KCNMA1: variants seen among roughly 807,000 people sequenced by gnomAD.
KCNMA1 encodes Calcium-activated potassium channel subunit alpha-1.
In KCNMA1, 29 loss-of-function variants were observed where a neutral mutation model predicts 140.0. The ratio of observed to expected loss-of-function variants is 0.21; its 90% CI spans 0.15 to 0.28. KCNMA1 has a LOEUF of 0.28. Among genes scored for constraint, KCNMA1 ranks in the 10% least tolerant of loss-of-function variants. KCNMA1 has a pLI of 1.00. For synonymous variants in KCNMA1, 612 were observed against 611.9 expected (o/e 1.00, Z 0.00); for missense variants, 880 against 1,602.2 (o/e 0.55, Z 7.70).
At chr10:77,357,498 T>C (rs552116949) in intron 2 of KCNMA1, among the ~76,000 whole-genome samples, 4 of 152,230 alleles carry the variant, frequency 2.6e-5, no homozygotes, top group Non-Finnish European at 5.9e-5. Flanking sequence ...GTCTTGTATA[T>C]TCCATTCAGC....
At chr10:77,617,082 G>A (rs982314269) in intron 1 of KCNMA1, among the ~76,000 whole-genome samples, 9 of 152,316 alleles carry the variant, frequency 5.9e-5, no homozygotes, top group South Asian at 2.1e-4. Context: ...AAAGGCAACC[G>A]TATTACTTAT....
intron 5 of KCNMA1, among the ~76,000 whole-genome samples, chr10:77,148,129 A>C (rs2098344518): frequency 6.6e-6 from 1 of 152,136 alleles, no homozygotes; most frequent in South Asian, 2.1e-4. Context: ...ACCTGCCATG[A>C]GTTTACTACT....
intron 23 of KCNMA1, among the ~76,000 whole-genome samples, chr10:76,941,057 A>AAGAAAGAAAGAGAG (rs2061993674): frequency 1.1e-5 from 1 of 89,214 alleles, no homozygotes; most frequent in South Asian, 3.1e-4. Context: ...AAGAAAGAGA[A>AAGAAAGAAAGAGAG]AGAAAGAAAG....
At chr10:77,406,001 G>A (rs554451802) in intron 1 of KCNMA1, among the ~76,000 whole-genome samples, 37 of 152,266 alleles carry the variant, frequency 2.4e-4, no homozygotes, top group Admixed American at 1.6e-3. Flanking sequence ...TGCAGCCCTG[G>A]ACGCTAATAT....
At chr10:77,298,837 G>A (rs1005151880) in intron 2 of KCNMA1, among the ~76,000 whole-genome samples, 11 of 152,218 alleles carry the variant, frequency 7.2e-5, no homozygotes, top group Non-Finnish European at 1.5e-4. Flanking sequence ...CCCATTGTGT[G>A]CAGGGCAGGC....
intron 23 of KCNMA1, among the ~76,000 whole-genome samples, chr10:76,920,020 G>GTATATA (rs1169838049): frequency 0.027 from 929 of 34,338 alleles, 70 homozygotes; most frequent in East Asian, 0.069. Context: ...GTGTGTGTGT[G>GTATATA]TATATATATA....
At chr10:77,181,707 A>G (rs546024061) in intron 5 of KCNMA1, among the ~76,000 whole-genome samples, 5 of 152,310 alleles carry the variant, frequency 3.3e-5, no homozygotes, top group Non-Finnish European at 4.4e-5. Context: ...GTGTGACTCT[A>G]CTAGCCTCAT....
chr10:77,048,352 A>G (rs1303952051), intron 14 of KCNMA1, among the ~76,000 whole-genome samples: 1 of 152,194 alleles, frequency 6.6e-6, no homozygotes, highest in African/African-American at 2.4e-5. Context: ...GTGCTGGTCC[A>G]CAACATGGCA....
Position 77,500,554 on chromosome 10 carries a change from A to C in KCNMA1, c.379-96531T>G, listed in dbSNP as rs550911410. ...AATGGTATCCAAGCAAGTGAAATTC[A>C]AGGCAAAAGACATTAAATAAGGCAA... is the stretch of plus-strand genomic sequence containing the variant. On this transcript the variant is annotated intron_variant, in intron 1 of 27. Coordinates refer to ENST00000286628, the MANE Select transcript of KCNMA1 (RefSeq NM_001161352.2). Among the ~76,000 whole-genome samples, 3 of 152,316 alleles carry C rather than the reference A, an allele frequency of 2.0e-5. No homozygotes were observed. The South Asian group carries it at 6.2e-4, about 32-fold the overall frequency.
downstream of KCNMA1, chr10:76,875,048 T>C (rs999090485): frequency 6.6e-6 from 1 of 152,220 alleles, no homozygotes; most frequent in Non-Finnish European, 1.5e-5. Context: ...ACTGTTGCAG[T>C]GGAGATGGAT....
intron 9 of KCNMA1, among the ~76,000 whole-genome samples, chr10:77,104,753 T>C (rs1440258604): frequency 6.6e-6 from 1 of 152,148 alleles, no homozygotes; most frequent in East Asian, 1.9e-4. Flanking sequence ...TCTTGTCAGT[T>C]CTCATAAACT....
intron 14 of KCNMA1, among the ~76,000 whole-genome samples, chr10:77,059,500 C>T (rs1230604035): frequency 2.0e-5 from 3 of 152,102 alleles, no homozygotes; most frequent in East Asian, 3.9e-4. Flanking sequence ...GAAATAATCA[C>T]ACTAACTAGG....
chr10:77,171,397 G>C (rs1446764961), intron 5 of KCNMA1, among the ~76,000 whole-genome samples: 1 of 60,096 alleles, frequency 1.7e-5, no homozygotes, highest in African/African-American at 5.3e-5. Flanking sequence ...GTGTGTGTGT[G>C]TGCGTGTGTG....
chr10:77,252,556 TGCGGGCAC>T (rs2059868949), intron 2 of KCNMA1, among the ~76,000 whole-genome samples: 1 of 149,316 alleles, frequency 6.7e-6, no homozygotes, highest in African/African-American at 2.4e-5. Context: ...TGTGTGTGTG[TGCGGGCAC>T]GTGTGCCTGT....
chr10:77,455,315 G>A (rs887705349), intron 1 of KCNMA1, among the ~76,000 whole-genome samples: 6 of 152,042 alleles, frequency 3.9e-5, no homozygotes, highest in Non-Finnish European at 5.9e-5. Context: ...AATGGAACTC[G>A]AACCCAGGAC....
chr10:77,162,676 T>A (rs551271053), intron 5 of KCNMA1, among the ~76,000 whole-genome samples: 1 of 152,134 alleles, frequency 6.6e-6, no homozygotes, highest in Non-Finnish European at 1.5e-5. Context: ...TACTCTCCAA[T>A]GGGTAAAGAA....
At chr10:77,174,237 T>C (rs1273091242) in intron 5 of KCNMA1, among the ~76,000 whole-genome samples, 1 of 152,170 alleles carries the variant, frequency 6.6e-6, no homozygotes, top group African/African-American at 2.4e-5. Flanking sequence ...CTTTTAACAG[T>C]GTATTCATGA....
intron 5 of KCNMA1, 29 bp downstream of exon 5, chr10:77,183,392 G>T: frequency 6.9e-7 from 1 of 1,455,854 alleles, no homozygotes. Context: ...CAGGAACCAG[G>T]AAGGAGAAGG....
chr10:77,000,780 A>C (rs2085976742), intron 19 of KCNMA1, among the ~76,000 whole-genome samples: 1 of 150,320 alleles, frequency 6.7e-6, no homozygotes, highest in Non-Finnish European at 1.5e-5. Flanking sequence ...AGACATAGAA[A>C]ACTCGTTTCC....
Sources: gnomAD v4.1 joint callset for allele counts (sites outside exome capture counted in the v4.1 genomes callset) on GRCh38, gnomAD v4.1.1 for gene constraint, MANE v1.5 for transcripts, NCBI Gene and HGNC (gene_info 2026-07-23, HGNC 2026-07-21) for gene names.